KCNK3: variants seen among roughly 807,000 people sequenced by gnomAD.
The protein encoded by KCNK3 is potassium channel subfamily K member 3.
In KCNK3, 9 loss-of-function variants were observed where a neutral mutation model predicts 27.3. The ratio of observed to expected loss-of-function variants is 0.33; its 90% CI spans 0.20 to 0.57. KCNK3 has a LOEUF of 0.57. Among genes scored for constraint, KCNK3 ranks in the 20% least tolerant of loss-of-function variants. The pLI is 0.87. For missense variants in KCNK3, 391 were observed against 577.7 expected (o/e 0.68, Z 3.31); for synonymous variants, 278 against 273.8 (o/e 1.02, Z -0.15).
At chr2:26,716,779 T>C (rs2148265112) in intron 1 of KCNK3, among the ~76,000 whole-genome samples, 1 of 152,268 alleles carries the variant, frequency 6.6e-6, no homozygotes, top group South Asian at 2.1e-4. Flanking sequence ...AGAAGAGACA[T>C]AAGGGATCTT....
At position 26,706,362 on chromosome 2, in the gene KCNK3, C is replaced by T. The variant is rs373460534; in HGVS notation, c.283+13204C>T. ...GGGTCCTGGGGACAGGTCTGTCTTT[C>T]GCTTCATGGCTTTAGCTCTCACTGC... is the stretch of plus-strand genomic sequence containing the variant. On this transcript the variant is annotated intron_variant, in intron 1 of 1. Transcript: ENST00000302909. Among the ~76,000 whole-genome samples, 4 of 152,242 alleles carry T rather than the reference C, an allele frequency of 2.6e-5. No individual in the cohort carries two copies. In the South Asian group the frequency reaches 8.3e-4, roughly 32 times the overall value.
At chr2:26,720,393 G>A (rs947914140) in intron 1 of KCNK3, among the ~76,000 whole-genome samples, 2 of 152,300 alleles carry the variant, frequency 1.3e-5, no homozygotes, top group South Asian at 2.1e-4. Context: ...GCACAAAGCC[G>A]GCCTCTGGGA....
Position 26,728,137 on chromosome 2 carries a change from G to A in KCNK3, c.754G>A (p.Glu252Lys), listed in dbSNP as rs745461144. ...VVLRFMTMNAEDEKRDAEHRA... is the reference protein window; with the variant it reads ...VVLRFMTMNAKDEKRDAEHRA... Reference sequence around the variant, plus strand: ...GCTGCGCTTCATGACCATGAACGCCGAGGACGAGAAGCGCGACGCCGAGCA... The same window carrying A: ...GCTGCGCTTCATGACCATGAACGCCAAGGACGAGAAGCGCGACGCCGAGCA... Residue 252 changes from glutamate (E) to lysine (K), a missense_variant, in exon 2 of 2, where the codon GAG becomes AAG. Glu to Lys is a moderately conservative substitution (Grantham distance 56). This residue lies in a region of KCNK3 where 38 missense variants were observed against 80.5 expected (regional missense o/e 0.47). Transcript: ENST00000302909. 3.8e-6 allele frequency: 6 copies of A among 1,599,470 alleles called. No individual in the cohort carries two copies. The highest frequency in any genetic ancestry group is 2.2e-5 in the South Asian group (2 of 89,036).
intron 1 of KCNK3, among the ~76,000 whole-genome samples, chr2:26,705,279 C>G (rs1670358878): frequency 6.6e-6 from 1 of 152,160 alleles, no homozygotes; most frequent in Non-Finnish European, 1.5e-5. Context: ...ATTATTATCC[C>G]CATTTTACAG....
intron 1 of KCNK3, among the ~76,000 whole-genome samples, chr2:26,723,132 C>A (rs1200832278): frequency 3.9e-5 from 6 of 152,182 alleles, no homozygotes; most frequent in African/African-American, 1.4e-4. Context: ...CAGTGGGAAA[C>A]AAGCAGCCAA....
chr2:26,731,778 G>T lies in KCNK3; in HGVS notation c.*3210G>T, dbSNP rs1489850291. 1 of 152,156 alleles carries T rather than the reference G, an allele frequency of 6.6e-6. No individual in the cohort carries two copies. Among genetic ancestry groups the T allele is most frequent in the African/African-American group, 2.4e-5 (1 of 41,406 alleles). 9.4% of individuals were successfully genotyped at this position (152,156 alleles called of 1,614,324 possible). ...TCCCCCCCGTACATGAGTAACTGAG[G>T]CCCACAGAGAGCAAATCGCCTGCCT... On this transcript the variant is annotated 3_prime_UTR_variant, in exon 2 of 2. Transcript: ENST00000302909.
Position 26,728,268 on chromosome 2 carries a change from C to G in KCNK3, c.885C>G (p.Gly295=), listed in dbSNP as rs1663467173. The change falls in exon 2 of 2, where the codon GGC becomes GGG. Residue 295 remains glycine, a synonymous_variant. Coordinates refer to ENST00000302909, the MANE Select transcript of KCNK3 (RefSeq NM_002246.3). The stretch of plus-strand genomic sequence containing the variant: ...CCACGGCGGCAGCGGGCGGCGGCGG[C>G]TTCCGCAACGTCTACGCGGAGGTGC... ...ASSTAAAGGG[G]FRNVYAEVLH... 6.3e-7 allele frequency: 1 copy of G among 1,589,688 alleles called. No homozygotes were observed. Among genetic ancestry groups the G allele is most frequent in the Non-Finnish European group, 8.6e-7 (1 of 1,168,274 alleles).
rs1022076215 is a variant in KCNK3 at position 26,731,266 on chromosome 2, C to A, written c.*2698C>A. 6.6e-6 allele frequency: 1 copy of A among 152,374 alleles called. No individual in the cohort carries two copies. Among genetic ancestry groups the A allele is most frequent in the African/African-American group, 2.4e-5 (1 of 41,440 alleles). 9.4% of individuals were successfully genotyped at this position (152,374 alleles called of 1,614,324 possible). A position where few individuals can be genotyped will look rare whatever the true frequency, so the allele number is the denominator to read the frequency against. The stretch of plus-strand genomic sequence containing the variant: ...GCCAGGGAGGGGCCATCTCCCACCC[C>A]CTCCCCTGCCGGGGTCTACAAACAT... On this transcript the variant is annotated 3_prime_UTR_variant, in exon 2 of 2. Coordinates refer to ENST00000302909, the MANE Select transcript of KCNK3 (RefSeq NM_002246.3).
intron 1 of KCNK3, among the ~76,000 whole-genome samples, chr2:26,704,210 T>A (rs1414607499): frequency 6.6e-6 from 1 of 152,108 alleles, no homozygotes; most frequent in Non-Finnish European, 1.5e-5. Context: ...TGGGCCAAAG[T>A]TCCACTCTGG....
intron 1 of KCNK3, among the ~76,000 whole-genome samples, chr2:26,702,274 A>G (rs955886281): frequency 3.9e-5 from 6 of 152,220 alleles, no homozygotes; most frequent in Non-Finnish European, 7.3e-5. Flanking sequence ...ACCCTGCTGC[A>G]GGCTACAGTG....
rs1352169387 is a variant in KCNK3 at position 26,727,662 on chromosome 2, C to T, written c.284-5C>T. ...CTTTTTCTCCTCTTTCCCACTTTCC[C>T]CCAGGCTACGGGCACGCGGCACCCA... is the stretch of plus-strand genomic sequence containing the variant. On this transcript the variant is annotated splice_polypyrimidine_tract_variant and splice_region_variant and intron_variant, in intron 1 of 1. Coordinates refer to ENST00000302909, the MANE Select transcript of KCNK3 (RefSeq NM_002246.3). 6 of 1,510,306 alleles carry T rather than the reference C, an allele frequency of 4.0e-6. No homozygotes were observed. The highest frequency in any genetic ancestry group is 5.3e-6 in the Non-Finnish European group (6 of 1,128,910). 93.6% of individuals were successfully genotyped at this position (1,510,306 alleles called of 1,614,324 possible). A position where few individuals can be genotyped will look rare whatever the true frequency, so the allele number is the denominator to read the frequency against.
chr2:26,714,423 A>C (rs904075913), intron 1 of KCNK3, among the ~76,000 whole-genome samples: 2 of 462 alleles, frequency 4.3e-3, no homozygotes, highest in Non-Finnish European at 0.012. Context: ...ATGGCCCTGC[A>C]CTGCTCACTA....
intron 1 of KCNK3, among the ~76,000 whole-genome samples, chr2:26,704,726 G>A (rs923937580): frequency 6.6e-5 from 10 of 152,310 alleles, no homozygotes; most frequent in South Asian, 2.1e-4. Flanking sequence ...GGGCAGGCAC[G>A]GTACAGACAG....
At chr2:26,725,423 C>A (rs1663399505) in intron 1 of KCNK3, among the ~76,000 whole-genome samples, 1 of 152,228 alleles carries the variant, frequency 6.6e-6, no homozygotes, top group South Asian at 2.1e-4. Flanking sequence ...CAAGGTCACA[C>A]AGCTATCACG....
At chr2:26,708,936 CAG>C (rs371787249) in intron 1 of KCNK3, among the ~76,000 whole-genome samples, 55 of 152,194 alleles carry the variant, frequency 3.6e-4, no homozygotes, top group African/African-American at 1.2e-3. Context: ...GTGGTGGAGA[CAG>C]AGCTTGTGGG....
intron 1 of KCNK3, among the ~76,000 whole-genome samples, chr2:26,719,229 G>A (rs1663284200): frequency 6.6e-6 from 1 of 152,162 alleles, no homozygotes; most frequent in Admixed American, 6.5e-5. Flanking sequence ...AGGGCCACTG[G>A]GTAGACACAT....
chr2:26,700,960 T>G (rs1232540971), intron 1 of KCNK3, among the ~76,000 whole-genome samples: 1 of 152,102 alleles, frequency 6.6e-6, no homozygotes, highest in African/African-American at 2.4e-5. Flanking sequence ...AGTCAATACT[T>G]CTCAAACTGT....
chr2:26,720,092 G>A (rs767934696), intron 1 of KCNK3, among the ~76,000 whole-genome samples: 3 of 152,056 alleles, frequency 2.0e-5, no homozygotes, highest in Admixed American at 2.0e-4. Flanking sequence ...GTGCAACCCC[G>A]TCTCTACTAA....
At chr2:26,720,600 C>T (rs1423681988) in intron 1 of KCNK3, among the ~76,000 whole-genome samples, 1 of 152,112 alleles carries the variant, frequency 6.6e-6, no homozygotes, top group African/African-American at 2.4e-5. Flanking sequence ...GCCCCAAGAT[C>T]AGTACTAGGG....
Sources: gnomAD v4.1 joint callset for allele counts (sites outside exome capture counted in the v4.1 genomes callset) on GRCh38, gnomAD v4.1.1 for gene constraint, gnomAD v4.1.1 regional missense constraint, MANE v1.5 for transcripts, NCBI Gene and HGNC (gene_info 2026-07-23, HGNC 2026-07-21) for gene names.